The following ZNHIT6 variants were observed in gnomAD, a reference collection of about 807,000 sequenced individuals.
The protein encoded by ZNHIT6 is zinc finger HIT-type containing 6.
In ZNHIT6, 45 loss-of-function variants were observed where a neutral mutation model predicts 57.2. That is an observed-to-expected ratio of 0.79 (90% CI 0.62 to 1.01). The LOEUF (loss-of-function observed/expected upper bound fraction) is 1.01, where lower values mean the gene tolerates loss of function less well. ZNHIT6 is among the 50% of genes least tolerant of loss of function. ZNHIT6 has a pLI of 0.00. For synonymous variants in ZNHIT6, 188 were observed against 190.0 expected, an observed-to-expected ratio of 0.99 and a Z score of 0.09; for missense variants, 528 against 567.3, an observed-to-expected ratio of 0.93 and a Z score of 0.70.
At chr1:85,693,040 C>T (rs910956693) in intron 5 of ZNHIT6, among the ~76,000 whole-genome samples, 3 of 152,074 alleles carry the variant, frequency 2.0e-5, no homozygotes, top group Non-Finnish European at 2.9e-5. Context: ...AGCTAAAGAA[C>T]CCTAGTTCAA....
In ZNHIT6 at chr1:85,649,716, C is replaced by T. The variant is rs1156646360; in HGVS notation, c.*4342G>A. The T allele has an allele frequency of 6.6e-6, 1 of 151,984 alleles. No homozygotes were observed. Among genetic ancestry groups the T allele is most frequent in the Non-Finnish European group, 1.5e-5 (1 of 67,998 alleles). 9.4% of individuals were successfully genotyped at this position (151,984 alleles called of 1,614,324 possible). A position where few individuals can be genotyped will look rare whatever the true frequency, so the allele number is the denominator to read the frequency against. ...AGTCTTCATTTTTGAAGCATTTTCC[C>T]CTAGTACTCTAATTTCAAAATCAGT... is the stretch of plus-strand genomic sequence containing the variant. On this transcript the variant is annotated 3_prime_UTR_variant, in exon 10 of 10. Transcript: ENST00000370574.
chr1:85,668,712 T>G (rs1318756302), intron 8 of ZNHIT6, among the ~76,000 whole-genome samples: 1 of 152,214 alleles, frequency 6.6e-6, no homozygotes, highest in Non-Finnish European at 1.5e-5. Context: ...AGTCATCTAA[T>G]TTTCCATTTC....
At position 85,708,030 on chromosome 1, in the gene ZNHIT6, C is replaced by A. The variant is rs1359313469; in HGVS notation, c.255G>T (p.Trp85Cys). The A allele has an allele frequency of 1.9e-6, 3 of 1,614,050 alleles. No homozygotes were observed. Among genetic ancestry groups the A allele is most frequent in the East Asian group, 2.2e-5 (1 of 44,886 alleles). ...LTVVKQEIID[W>C]PGTEGRLAGQ... ...CAGCCAACCTGCCTTCTGTACCTGGCCAGTCTATAATTTCCTGCTTCACTA... is the reference window on the plus strand; with the variant it reads ...CAGCCAACCTGCCTTCTGTACCTGGACAGTCTATAATTTCCTGCTTCACTA... The change falls in exon 1 of 10, where the codon TGG (tryptophan) becomes TGT (cysteine). Residue 85 changes from tryptophan (W) to cysteine (C), a missense_variant. Transcript: ENST00000370574.
chr1:85,660,294 C>T (rs185489793), intron 8 of ZNHIT6, among the ~76,000 whole-genome samples: 15 of 152,250 alleles, frequency 9.9e-5, no homozygotes, highest in African/African-American at 3.6e-4. Context: ...TTGGCAATAA[C>T]TTATCTTCTG....
chr1:85,676,174 T>C (rs889332445), intron 8 of ZNHIT6, among the ~76,000 whole-genome samples: 1 of 152,018 alleles, frequency 6.6e-6, no homozygotes, highest in African/African-American at 2.4e-5. Flanking sequence ...CCGTCTCTAC[T>C]AAAAATACAA....
intron 5 of ZNHIT6, among the ~76,000 whole-genome samples, chr1:85,697,945 C>T (rs1662422719): frequency 6.6e-6 from 1 of 152,074 alleles, no homozygotes; most frequent in African/African-American, 2.4e-5. Flanking sequence ...GAACATAAAG[C>T]TATAGACCCT....
intron 5 of ZNHIT6, among the ~76,000 whole-genome samples, chr1:85,687,307 A>AAAAAAAAAAAAAAATTT (rs1557861217): frequency 1.4e-5 from 2 of 145,646 alleles, no homozygotes; most frequent in Non-Finnish European, 3.0e-5. Context: ...AACAAAAAAA[A>AAAAAAAAAAAAAAATTT]AAAACAATTT....
intron 8 of ZNHIT6, among the ~76,000 whole-genome samples, chr1:85,672,037 A>G (rs1460440847): frequency 6.6e-6 from 1 of 152,192 alleles, no homozygotes; most frequent in Non-Finnish European, 1.5e-5. Context: ...TGGAAGGATA[A>G]TATTACTATT....
intron 5 of ZNHIT6, among the ~76,000 whole-genome samples, chr1:85,687,500 A>G (rs544942943): frequency 8.4e-4 from 128 of 151,958 alleles, no homozygotes; most frequent in Non-Finnish European, 1.4e-3. Context: ...AGCAGTATGG[A>G]TTCTATCTTG....
chr1:85,691,634 C>T (rs1322382292), intron 5 of ZNHIT6, among the ~76,000 whole-genome samples: 2 of 152,340 alleles, frequency 1.3e-5, no homozygotes, highest in East Asian at 1.9e-4. Context: ...CACTGGCTCA[C>T]GCCTGTAATC....
Position 85,698,553 on chromosome 1 carries a change from G to T in ZNHIT6, c.1019+3604C>A, listed in dbSNP as rs137919832. ...GATTCTTCATTCAGATTCCTCAAAA[G>T]TGAAAACATGTAAATTTTAAGCGAC... On this transcript the variant is annotated intron_variant, in intron 5 of 9. Coordinates refer to ENST00000370574, the MANE Select transcript of ZNHIT6 (RefSeq NM_017953.4). 1.4e-4 allele frequency among the ~76,000 whole-genome samples: 22 copies of T among 152,200 alleles called. No individual in the cohort carries two copies. In the East Asian group the frequency reaches 3.9e-3, roughly 27 times the overall value.
intron 8 of ZNHIT6, among the ~76,000 whole-genome samples, chr1:85,659,646 A>G (rs1309835699): frequency 1.3e-5 from 2 of 152,214 alleles, no homozygotes; most frequent in South Asian, 2.1e-4. Context: ...TTAGTAAAAA[A>G]TTATCTGCAC....
chr1:85,675,153 G>T (rs950655421), intron 8 of ZNHIT6, among the ~76,000 whole-genome samples: 3 of 152,104 alleles, frequency 2.0e-5, no homozygotes, highest in Non-Finnish European at 4.4e-5. Flanking sequence ...AAGGAATCAG[G>T]ATACCCAGAG....
At chr1:85,689,507 A>C (rs1203690183) in intron 5 of ZNHIT6, among the ~76,000 whole-genome samples, 1 of 152,232 alleles carries the variant, frequency 6.6e-6, no homozygotes, top group Admixed American at 6.5e-5. Context: ...TACTTTGGGA[A>C]GTAATAGTTA....
rs1167580632 is a variant in ZNHIT6, at chr1:85,678,709, A to T, written c.1161T>A (p.Ile387=). 10 of 1,582,564 alleles carry T rather than the reference A, an allele frequency of 6.3e-6. No homozygotes were observed. Among genetic ancestry groups the T allele is most frequent in the Non-Finnish European group, 8.6e-6 (10 of 1,162,738 alleles). ...ATATTTTTGAAGCATACCTTTGACGAATTACAGGATCAGACTTTTCAGGAT... is the reference window on the plus strand; with the variant it reads ...ATATTTTTGAAGCATACCTTTGACGTATTACAGGATCAGACTTTTCAGGAT... ...YIDPEKSDPV[I]RQRLKAYIRS... is the part of the protein sequence containing the mutation. Residue 387 remains isoleucine, a synonymous_variant, in exon 7 of 10, where the codon ATT becomes ATA. Transcript: ENST00000370574.
intron 5 of ZNHIT6, among the ~76,000 whole-genome samples, chr1:85,701,164 A>G (rs914518292): frequency 4.6e-5 from 7 of 152,224 alleles, no homozygotes; most frequent in Non-Finnish European, 1.0e-4. Flanking sequence ...TCTAATTATG[A>G]TAACAGCTTT....
intron 8 of ZNHIT6, among the ~76,000 whole-genome samples, chr1:85,670,935 C>T (rs1232767513): frequency 6.6e-6 from 1 of 152,176 alleles, no homozygotes; most frequent in Non-Finnish European, 1.5e-5. Context: ...TGACTGCTTA[C>T]TCGATGCCAG....
chr1:85,653,975 A>G lies in ZNHIT6; in HGVS notation c.*83T>C. 8.9e-7 allele frequency: 1 copy of G among 1,126,024 alleles called. No individual in the cohort carries two copies. Among genetic ancestry groups the G allele is most frequent in the Non-Finnish European group, 1.3e-6 (1 of 761,508 alleles). 69.8% of individuals were successfully genotyped at this position (1,126,024 alleles called of 1,614,324 possible). A position where few individuals can be genotyped will look rare whatever the true frequency, so the allele number is the denominator to read the frequency against. On this transcript the variant is annotated 3_prime_UTR_variant, in exon 10 of 10. Coordinates refer to ENST00000370574, the MANE Select transcript of ZNHIT6 (RefSeq NM_017953.4). ...AAAATTCCAATCACCCATTGACAAT[A>G]CCCCAATCAGCCAACAGCCCATCAA... is the stretch of plus-strand genomic sequence containing the variant.
chr1:85,705,346 C>T (rs536761770), intron 4 of ZNHIT6, among the ~76,000 whole-genome samples: 1 of 152,172 alleles, frequency 6.6e-6, no homozygotes, highest in Admixed American at 6.5e-5. Context: ...TCTCAAGTTG[C>T]TGGGAGTACA....
Sources: allele counts gnomAD v4.1 joint callset (sites outside exome capture counted in the v4.1 genomes callset), GRCh38; gene constraint gnomAD v4.1.1; transcripts MANE v1.5; gene names NCBI Gene and HGNC (gene_info 2026-07-23, HGNC 2026-07-21).